ILDR1: variants seen among roughly 807,000 people sequenced by gnomAD.
ILDR1 encodes immunoglobulin-like domain-containing receptor 1.
A neutral mutation model predicts 62.4 loss-of-function variants in ILDR1; 56 were observed. The observed-to-expected ratio is 0.90, with a 90% CI of 0.72 to 1.12. ILDR1 has a LOEUF of 1.12. Ranked by LOEUF, ILDR1 falls within the 50% of genes most tolerant of loss-of-function variation. The pLI is 0.00. For missense variants in ILDR1, 736 were observed against 710.6 expected, an observed-to-expected ratio of 1.04 and a Z score of -0.41; for synonymous variants, 284 against 277.8, an observed-to-expected ratio of 1.02 and a Z score of -0.22.
At chr3:122,015,717 G>GCAAT (rs2071767400) in intron 1 of ILDR1, among the ~76,000 whole-genome samples, 1 of 152,144 alleles carries the variant, frequency 6.6e-6, no homozygotes, top group African/African-American at 2.4e-5. Context: ...TATAAATTAT[G>GCAAT]CAATCTCAGG....
chr3:122,040,629 C>T, the ILDR1 span, among the ~76,000 whole-genome samples: 1 of 147,316 alleles, frequency 6.8e-6, no homozygotes, highest in Non-Finnish European at 1.5e-5. Context: ...TACAAAAATA[C>T]AGTCAAGTGA....
chr3:122,002,040 C>T (rs923530403), intron 3 of ILDR1, among the ~76,000 whole-genome samples, 176 bp from the exon 4 acceptor site: 1 of 152,016 alleles, frequency 6.6e-6, no homozygotes, highest in Non-Finnish European at 1.5e-5. Flanking sequence ...CTCTGGAGAC[C>T]GAGGTGGGAG....
intron 5 of ILDR1, among the ~76,000 whole-genome samples, chr3:121,996,454 C>T (rs1225193788): frequency 4.6e-5 from 7 of 152,188 alleles, no homozygotes; most frequent in Non-Finnish European, 8.8e-5. Flanking sequence ...AAGACACAGC[C>T]TTTGAGCTTT....
At chr3:122,048,791 C>A in the ILDR1 span, among the ~76,000 whole-genome samples, 1 of 151,992 alleles carries the variant, frequency 6.6e-6, no homozygotes, top group Non-Finnish European at 1.5e-5. Context: ...CATTTTTCAT[C>A]TTATCTGAGT....
chr3:122,047,680 G>C, the ILDR1 span, among the ~76,000 whole-genome samples: 1 of 152,178 alleles, frequency 6.6e-6, no homozygotes, highest in Non-Finnish European at 1.5e-5. Context: ...CGATTTTCCA[G>C]GTGCGTCTGT....
At chr3:122,016,026 A>G (rs184705781) in intron 1 of ILDR1, among the ~76,000 whole-genome samples, 1 of 152,276 alleles carries the variant, frequency 6.6e-6, no homozygotes, top group African/African-American at 2.4e-5. Context: ...ACTTCCTACC[A>G]TGACCCATGC....
At chr3:122,054,842 A>T in the ILDR1 span, among the ~76,000 whole-genome samples, 3 of 152,070 alleles carry the variant, frequency 2.0e-5, no homozygotes, top group East Asian at 1.9e-4. Context: ...GCTTTCATCA[A>T]TGTAATCCTT....
chr3:121,995,119 T>C (rs1647091629), intron 5 of ILDR1, among the ~76,000 whole-genome samples: 1 of 152,226 alleles, frequency 6.6e-6, no homozygotes, highest in Admixed American at 6.5e-5. Context: ...GTCTGAGGCA[T>C]ACAACCCGCA....
At chr3:122,012,479 G>A (rs2071718611) in intron 1 of ILDR1, among the ~76,000 whole-genome samples, 1 of 152,150 alleles carries the variant, frequency 6.6e-6, no homozygotes, top group African/African-American at 2.4e-5. Flanking sequence ...ATCCCTAACA[G>A]CTGAATGGTA....
the ILDR1 span, among the ~76,000 whole-genome samples, chr3:122,031,051 T>C: frequency 3.9e-5 from 6 of 152,124 alleles, no homozygotes; most frequent in Non-Finnish European, 8.8e-5. Flanking sequence ...ACTAGGAGAG[T>C]ATCTACTCCA....
At chr3:121,999,033 C>T (rs973856890) in intron 5 of ILDR1, among the ~76,000 whole-genome samples, 6 of 152,190 alleles carry the variant, frequency 3.9e-5, no homozygotes, top group African/African-American at 9.7e-5. Context: ...AGTGAGGAAA[C>T]GTATGCAAGG....
At chr3:122,030,817 G>A in the ILDR1 span, among the ~76,000 whole-genome samples, 1 of 152,066 alleles carries the variant, frequency 6.6e-6, no homozygotes, top group African/African-American at 2.4e-5. Context: ...TAGTATTTGG[G>A]GAGGCCCAGG....
At chr3:122,048,583 T>C in the ILDR1 span, among the ~76,000 whole-genome samples, 4 of 152,252 alleles carry the variant, frequency 2.6e-5, no homozygotes, top group Admixed American at 2.0e-4. Flanking sequence ...AAGCTTTTGA[T>C]TGATGATTCA....
At chr3:122,028,302 C>T in the ILDR1 span, among the ~76,000 whole-genome samples, 2 of 142,932 alleles carry the variant, frequency 1.4e-5, no homozygotes, top group Admixed American at 1.5e-4. Context: ...CACCACTGCA[C>T]TCCAGCCTGG....
the ILDR1 span, among the ~76,000 whole-genome samples, chr3:122,036,176 G>A: frequency 0.14 from 21,108 of 152,218 alleles, 1,578 homozygotes; most frequent in East Asian, 0.22. Flanking sequence ...ATGATTTAGG[G>A]CATCTGGTGG....
the ILDR1 span, among the ~76,000 whole-genome samples, chr3:122,061,051 C>T: frequency 3.9e-5 from 6 of 152,150 alleles, no homozygotes; most frequent in Non-Finnish European, 7.4e-5. Context: ...ACCCTAATGT[C>T]ACAGCTCTAT....
In ILDR1 at chr3:121,988,596, T is replaced by G. The variant is rs112060402; in HGVS notation, c.1600-188A>C. Among the ~76,000 whole-genome samples the G allele has an allele frequency of 1.1e-4, 17 of 152,352 alleles. 2 individuals are homozygous for G. Among genetic ancestry groups the G allele is most frequent in the African/African-American group, 4.1e-4 (17 of 41,586 alleles). ...AATCTCTCTCCCCAGGCTTAGGTTT[T>G]TCTTGCTTACCTCTCTAGAGACTCC... On this transcript the variant is annotated intron_variant, in intron 7 of 7. Coordinates refer to ENST00000344209, the MANE Select transcript of ILDR1 (RefSeq NM_001199799.2).
At chr3:122,030,266 C>A in the ILDR1 span, among the ~76,000 whole-genome samples, 1 of 152,016 alleles carries the variant, frequency 6.6e-6, no homozygotes, top group Admixed American at 6.6e-5. Context: ...AGGTTCAAGT[C>A]CTCAAGTCAT....
upstream of ILDR1, among the ~76,000 whole-genome samples, chr3:122,024,713 A>G (rs1327899190): frequency 6.6e-6 from 1 of 152,232 alleles, no homozygotes; most frequent in Non-Finnish European, 1.5e-5. Context: ...CATTTTATAG[A>G]TGTGGAAACC....
Sources: allele counts gnomAD v4.1 joint callset (sites outside exome capture counted in the v4.1 genomes callset), GRCh38; gene constraint gnomAD v4.1.1; transcripts MANE v1.5; gene names NCBI Gene and HGNC (gene_info 2026-07-23, HGNC 2026-07-21).